RAB38: variants seen among roughly 807,000 people sequenced by gnomAD.
The protein encoded by RAB38 is RAB38, member RAS oncogene family.
A neutral mutation model predicts 18.4 loss-of-function variants in RAB38; 15 were observed. That is an observed-to-expected ratio of 0.82 (90% CI 0.55 to 1.26). RAB38 has a LOEUF of 1.26. Ranked by LOEUF, RAB38 falls within the 50% of genes most tolerant of loss-of-function variation. The pLI is 0.00. For synonymous variants in RAB38, 101 were observed against 104.4 expected (o/e 0.97, Z 0.20); for missense variants, 294 against 267.4 (o/e 1.10, Z -0.69).
chr11:88,066,982 T>TA, the RAB38 span, among the ~76,000 whole-genome samples: 4 of 152,158 alleles, frequency 2.6e-5, no homozygotes, highest in Non-Finnish European at 5.9e-5. Context: ...GTTTTCCTTT[T>TA]AAAAAAGACC....
chr11:87,957,491 A>G, the RAB38 span, among the ~76,000 whole-genome samples: 1 of 152,180 alleles, frequency 6.6e-6, no homozygotes, highest in African/African-American at 2.4e-5. Flanking sequence ...TGATGAAAAA[A>G]GTGAAAAGTT....
the RAB38 span, among the ~76,000 whole-genome samples, chr11:87,882,823 G>A: frequency 2.0e-5 from 3 of 151,748 alleles, no homozygotes; most frequent in Admixed American, 2.0e-4. Flanking sequence ...TTATTTTTCA[G>A]GAAATGGCTT....
At chr11:87,901,868 C>A in the RAB38 span, among the ~76,000 whole-genome samples, 1 of 151,348 alleles carries the variant, frequency 6.6e-6, no homozygotes, top group Non-Finnish European at 1.5e-5. Context: ...TTTGGTATGG[C>A]CTATGTAGCA....
At chr11:87,976,823 TGTATAATATA>T in the RAB38 span, among the ~76,000 whole-genome samples, 4 of 76,308 alleles carry the variant, frequency 5.2e-5, no homozygotes, top group Admixed American at 4.5e-4. Context: ...TATTATACAA[TGTATAATATA>T]AATATATATT....
At position 88,149,767 on chromosome 11, in the gene RAB38, G is replaced by C. The variant is rs777987296; in HGVS notation, c.391C>G (p.Gln131Glu). 1.1e-5 allele frequency: 17 copies of C among 1,613,922 alleles called. No homozygotes were observed. In the Admixed American group the frequency reaches 2.7e-4, roughly 25 times the overall value. The stretch of plus-strand genomic sequence containing the variant: ...TTGTTCATGAGCACATCCTTCCCCT[G>C]GTCACATTTGTTGGCCAACAAAACC... ...SVVLLANKCDQGKDVLMNNGL... is the reference protein window; with the variant it reads ...SVVLLANKCDEGKDVLMNNGL... The change falls in exon 2 of 3, where the codon CAG becomes GAG. Residue 131 changes from glutamine (Q) to glutamate (E), a missense_variant. Transcript: ENST00000243662.
At chr11:87,837,787 C>T in the RAB38 span, among the ~76,000 whole-genome samples, 3 of 152,312 alleles carry the variant, frequency 2.0e-5, no homozygotes, top group Middle Eastern at 6.8e-3. Context: ...TGACTAAAGT[C>T]TTTGCATTTT....
the RAB38 span, among the ~76,000 whole-genome samples, chr11:88,093,536 CTTT>C: frequency 2.0e-5 from 3 of 151,806 alleles, no homozygotes; most frequent in South Asian, 6.3e-4. Context: ...ATAACCAGTC[CTTT>C]TGTTCATTGA....
chr11:87,948,109 A>T, the RAB38 span, among the ~76,000 whole-genome samples: 7 of 152,136 alleles, frequency 4.6e-5, no homozygotes, highest in Admixed American at 3.3e-4. Flanking sequence ...GAGGTCCTTC[A>T]CGTCCCTTGT....
the RAB38 span, among the ~76,000 whole-genome samples, chr11:87,885,539 A>T: frequency 6.6e-6 from 1 of 152,040 alleles, no homozygotes; most frequent in African/African-American, 2.4e-5. Flanking sequence ...AACACATGCA[A>T]TGCCTGACAC....
At chr11:88,075,246 A>G in the RAB38 span, among the ~76,000 whole-genome samples, 1 of 152,162 alleles carries the variant, frequency 6.6e-6, no homozygotes, top group Non-Finnish European at 1.5e-5. Context: ...CAAAATACAC[A>G]TTCTTTTCAT....
the RAB38 span, among the ~76,000 whole-genome samples, chr11:87,841,197 T>C: frequency 1.4e-3 from 217 of 152,290 alleles, no homozygotes; most frequent in African/African-American, 4.9e-3. Context: ...TCACCTTGAA[T>C]TGTAGTTCCC....
the RAB38 span, among the ~76,000 whole-genome samples, chr11:87,947,448 C>T: frequency 1.5e-4 from 23 of 152,296 alleles, no homozygotes; most frequent in Non-Finnish European, 2.4e-4. Flanking sequence ...GTGTTTTAGA[C>T]ATGAAGTCCT....
chr11:87,946,401 A>T, the RAB38 span, among the ~76,000 whole-genome samples: 2 of 151,900 alleles, frequency 1.3e-5, no homozygotes, highest in African/African-American at 2.4e-5. Context: ...CGATTTTTTT[A>T]AATTATACTT....
At chr11:87,829,962 G>C in the RAB38 span, among the ~76,000 whole-genome samples, 1 of 152,248 alleles carries the variant, frequency 6.6e-6, no homozygotes, top group African/African-American at 2.4e-5. Context: ...GGAATAATTT[G>C]TGGGTGTCTT....
chr11:88,138,280 T>G (rs778513526), intron 2 of RAB38, among the ~76,000 whole-genome samples: 1 of 152,204 alleles, frequency 6.6e-6, no homozygotes, highest in African/African-American at 2.4e-5. Flanking sequence ...GGAATATTCA[T>G]TGAAAATAAG....
rs1003010098 is a variant in RAB38 at position 88,113,965 on chromosome 11, C to A, written c.*23G>T. 4 of 1,613,508 alleles carry A rather than the reference C, an allele frequency of 2.5e-6. No homozygotes were observed. Among genetic ancestry groups the A allele is most frequent in the African/African-American group, 1.3e-5 (1 of 74,918 alleles). ...TTGTGGAACAATGAGGTCATTCCTACCAGACACCAGCAAAGGTGCCTACTA... is the reference window on the plus strand; with the variant it reads ...TTGTGGAACAATGAGGTCATTCCTAACAGACACCAGCAAAGGTGCCTACTA... On this transcript the variant is annotated 3_prime_UTR_variant, in exon 3 of 3. Transcript: ENST00000243662.
the RAB38 span, among the ~76,000 whole-genome samples, chr11:87,862,896 A>G: frequency 6.6e-6 from 1 of 151,702 alleles, no homozygotes; most frequent in Non-Finnish European, 1.5e-5. Context: ...AAAGCCTTTA[A>G]CTTGATTAAT....
chr11:88,143,515 G>C (rs2134816422), intron 2 of RAB38, among the ~76,000 whole-genome samples: 1 of 152,014 alleles, frequency 6.6e-6, no homozygotes. Flanking sequence ...TTGGCCCACA[G>C]ATCATAGTTT....
At chr11:87,835,492 G>C in the RAB38 span, among the ~76,000 whole-genome samples, 1 of 152,150 alleles carries the variant, frequency 6.6e-6, no homozygotes, top group African/African-American at 2.4e-5. Flanking sequence ...GTGTGTCCTC[G>C]CTTCCCCCCA....
Sources: gnomAD v4.1 joint callset for allele counts (sites outside exome capture counted in the v4.1 genomes callset) on GRCh38, gnomAD v4.1.1 for gene constraint, MANE v1.5 for transcripts, NCBI Gene and HGNC (gene_info 2026-07-23, HGNC 2026-07-21) for gene names.